The following TINCR variants were observed in gnomAD, a reference collection of about 807,000 sequenced individuals.
The protein encoded by TINCR is TINCR-encoded ubiquitin-like protein.
chr19:5,559,038 T>C (rs1179984094), downstream of TINCR: 1 of 152,216 alleles, frequency 6.6e-6, no homozygotes, highest in African/African-American at 2.4e-5. Context: ...AAGGGACAGG[T>C]CCAACATTAT....
intron 1 of TINCR, 25 bp downstream of exon 1, chr19:5,567,638 CCA>C: frequency 2.8e-6 from 1 of 353,394 alleles, no homozygotes; most frequent in Non-Finnish European, 5.1e-6. Context: ...CGCCCCCGCC[CCA>C]CCCCACCCCG....
At chr19:5,566,360 A>G (rs1869920884) in intron 1 of TINCR, among the ~76,000 whole-genome samples, 1 of 151,818 alleles carries the variant, frequency 6.6e-6, no homozygotes, top group South Asian at 2.1e-4. Context: ...GCAGAGAAAC[A>G]GAGAGACAAA....
chr19:5,567,818 G>C, exon 1 of TINCR: 1 of 394,214 alleles, frequency 2.5e-6, no homozygotes. Context: ...GTCGCTGAGC[G>C]TGTCCCGCGG....
At chr19:5,567,623 G>GCCCCCCCCCCCCCCCCC in intron 1 of TINCR, 42 bp downstream of exon 1, 3 of 328,348 alleles carry the variant, frequency 9.1e-6, no homozygotes, top group Non-Finnish European at 1.7e-5. Context: ...GGGGTCCCCG[G>GCCCCCCCCCCCCCCCCC]CCGCCGCCCC....
intron 1 of TINCR, among the ~76,000 whole-genome samples, chr19:5,567,352 G>C (rs191932253): frequency 2.6e-5 from 4 of 151,808 alleles, no homozygotes; most frequent in Admixed American, 1.3e-4. Flanking sequence ...GAGAGACAGA[G>C]ACAAAAGAAG....
intron 1 of TINCR, among the ~76,000 whole-genome samples, chr19:5,566,809 C>A (rs1466947313): frequency 6.7e-6 from 1 of 150,268 alleles, no homozygotes; most frequent in Non-Finnish European, 1.5e-5. Flanking sequence ...GACAGAGACA[C>A]ACACACAGAG....
chr19:5,566,556 C>T (rs993308249), intron 1 of TINCR, among the ~76,000 whole-genome samples: 1 of 147,898 alleles, frequency 6.8e-6, no homozygotes, highest in Admixed American at 6.7e-5. Flanking sequence ...CACACACAGA[C>T]AGAACTGGAC....
chr19:5,562,460 T>C (rs530430882), downstream of TINCR, among the ~76,000 whole-genome samples: 18 of 152,288 alleles, frequency 1.2e-4, no homozygotes, highest in African/African-American at 3.6e-4. This position sits in a 1 kb window ranked among gnomAD's most constrained non-coding sequence, Gnocchi z 4.4. Flanking sequence ...CTCACTAACA[T>C]TTATTAAGCA....
rs2145289983 is a variant in TINCR at position 5,565,644 on chromosome 19, C to G, written c.260+2021G>C. ...CTCTGAACCTCCATCCCTCATCATC[C>G]TCTCAGCCTCCCCGTCCCCGCTAAG... On this transcript the variant is annotated intron_variant, in intron 1 of 1. Transcript: ENST00000646160. The surrounding 1 kb of genome is among the most constrained non-coding windows in gnomAD (Gnocchi z 4.0). Among the ~76,000 whole-genome samples the G allele has an allele frequency of 2.6e-5, 4 of 152,240 alleles. No individual in the cohort carries two copies. In the Middle Eastern group the frequency reaches 0.014, roughly 518 times the overall value.
rs2145290184 is a variant in TINCR, at chr19:5,565,889, C to T, written c.260+1776G>A. Among the ~76,000 whole-genome samples, 1 of 152,318 alleles carries T rather than the reference C, an allele frequency of 6.6e-6. No individual in the cohort carries two copies. Among genetic ancestry groups the T allele is most frequent in the Non-Finnish European group, 1.5e-5 (1 of 68,024 alleles). ...TGTTCAATGCTTCCAAGGAGGTGGT[C>T]CCAGGCTCTGAGACGAGGCCCCACC... is the stretch of plus-strand genomic sequence containing the variant. On this transcript the variant is annotated intron_variant, in intron 1 of 1. Coordinates refer to ENST00000646160, the Ensembl canonical transcript of TINCR. The surrounding 1 kb of genome is among the most constrained non-coding windows in gnomAD (Gnocchi z 4.0).
At chr19:5,564,530 G>A (rs554257404) in intron 1 of TINCR, among the ~76,000 whole-genome samples, 1 of 152,306 alleles carries the variant, frequency 6.6e-6, no homozygotes, top group African/African-American at 2.4e-5. Flanking sequence ...GATGGGCAAG[G>A]GGCAGGGCAT....
rs189924282 is a variant in TINCR at position 5,565,437 on chromosome 19, G to T, written c.260+2228C>A. ...ATTTGGCTCTAGGCTCTGTGAAGGC[G>T]AAATCTGGTCTCTCTGGGTCACTGC... On this transcript the variant is annotated intron_variant, in intron 1 of 1. Coordinates refer to ENST00000646160, the Ensembl canonical transcript of TINCR. The surrounding 1 kb of genome is among the most constrained non-coding windows in gnomAD (Gnocchi z 4.0). 6.6e-6 allele frequency among the ~76,000 whole-genome samples: 1 copy of T among 152,198 alleles called. No homozygotes were observed. The highest frequency in any genetic ancestry group is 1.5e-5 in the Non-Finnish European group (1 of 68,042).
chr19:5,567,359 G>A (rs2052135812), intron 1 of TINCR, among the ~76,000 whole-genome samples: 1 of 151,768 alleles, frequency 6.6e-6, no homozygotes, highest in African/African-American at 2.4e-5. Context: ...AGAGACAAAA[G>A]AAGAAGAGAC....
At chr19:5,564,241 C>T (rs985109743) in intron 1 of TINCR, among the ~76,000 whole-genome samples, 2 of 152,174 alleles carry the variant, frequency 1.3e-5, no homozygotes, top group African/African-American at 2.4e-5. Flanking sequence ...CCTAGGGTAC[C>T]GTCTGCGCTG....
chr19:5,558,928 G>A (rs1453180583), downstream of TINCR: 1 of 152,302 alleles, frequency 6.6e-6, no homozygotes, highest in African/African-American at 2.4e-5. Flanking sequence ...GAGAGGAAAG[G>A]AAGGGGGCGA....
At chr19:5,558,545 G>C (rs1189112004), downstream of TINCR, 2 of 152,350 alleles carry the variant, frequency 1.3e-5, no homozygotes, top group Non-Finnish European at 2.9e-5. Flanking sequence ...TGGGGGAGCA[G>C]GAAGAGTCAG....
intron 1 of TINCR, among the ~76,000 whole-genome samples, chr19:5,564,848 G>T (rs765404363): frequency 6.6e-6 from 1 of 152,240 alleles, no homozygotes; most frequent in Non-Finnish European, 1.5e-5. Flanking sequence ...AAAGTGCTGG[G>T]ATTGCAGGTG....
chr19:5,559,234 T>A (rs956598345), downstream of TINCR: 3 of 151,968 alleles, frequency 2.0e-5, no homozygotes, highest in Non-Finnish European at 4.4e-5. Flanking sequence ...CCGGCATGGG[T>A]TGGGGACGCC....
chr19:5,566,359 CAGAG>C (rs570536026), intron 1 of TINCR, among the ~76,000 whole-genome samples: 1 of 150,060 alleles, frequency 6.7e-6, no homozygotes, highest in African/African-American at 2.5e-5. Context: ...CGCAGAGAAA[CAGAG>C]AGACAAAAGA....
Sources: allele counts gnomAD v4.1 joint callset (sites outside exome capture counted in the v4.1 genomes callset), GRCh38; gene constraint gnomAD v4.1.1; non-coding constraint Gnocchi (gnomAD v3.1); transcripts MANE v1.5; gene names NCBI Gene and HGNC (gene_info 2026-07-23, HGNC 2026-07-21).